Variants in HS6ST2 observed in about 807,000 individuals in gnomAD.
HS6ST2 encodes the protein heparan-sulfate 6-O-sulfotransferase 2.
HS6ST2 carries 17 observed loss-of-function variants against 33.0 expected under a neutral mutation model. The observed-to-expected ratio is 0.52, with a 90% CI of 0.35 to 0.77. The LOEUF (loss-of-function observed/expected upper bound fraction) is 0.77. Ranked by LOEUF, HS6ST2 falls within the 30% of genes least tolerant of loss-of-function variation. HS6ST2 has a pLI of 0.01. For missense variants in HS6ST2, 519 were observed against 551.7 expected, an observed-to-expected ratio of 0.94 and a Z score of 0.59; for synonymous variants, 248 against 237.1, an observed-to-expected ratio of 1.05 and a Z score of -0.42.
chrX:132,899,537 C>T (rs1006651009), intron 2 of HS6ST2, among the ~76,000 whole-genome samples: 4 of 109,845 alleles, frequency 3.6e-5, no homozygotes, highest in Admixed American at 9.8e-5. Flanking sequence ...ATAGACACTG[C>T]GGAAGAAAAG....
At chrX:132,678,489 A>G in intron 3 of HS6ST2, among the ~76,000 whole-genome samples, 1 of 112,542 alleles carries the variant, frequency 8.9e-6, no homozygotes, top group South Asian at 3.7e-4. Context: ...AAAAACACTG[A>G]CCCTTTAAAC....
chrX:132,803,067 G>A (rs1034076377), intron 2 of HS6ST2, among the ~76,000 whole-genome samples: 4 of 111,369 alleles, frequency 3.6e-5, no homozygotes, highest in Non-Finnish European at 5.6e-5. Flanking sequence ...ACAGGCCCAA[G>A]GCCAGCCCTG....
chrX:132,670,366 C>G (rs1409011691), intron 3 of HS6ST2, among the ~76,000 whole-genome samples: 2 of 111,438 alleles, frequency 1.8e-5, no homozygotes, highest in Admixed American at 1.9e-4. Flanking sequence ...CCATCAGCTT[C>G]AAATGACTTC....
chrX:132,638,148 A>G (rs899921909), intron 4 of HS6ST2, among the ~76,000 whole-genome samples: 2 of 103,662 alleles, frequency 1.9e-5, no homozygotes, highest in Non-Finnish European at 3.9e-5. Context: ...ATGAAGTCTA[A>G]AGCAACCACA....
intron 4 of HS6ST2, among the ~76,000 whole-genome samples, chrX:132,634,469 AT>A (rs773537943): frequency 8.9e-6 from 1 of 111,996 alleles, no homozygotes; most frequent in African/African-American, 3.2e-5. Context: ...ATGACTCCCC[AT>A]TGGGTTACAT....
intron 4 of HS6ST2, chrX:132,667,608 C>T (rs1413862445): frequency 8.9e-6 from 1 of 112,062 alleles, no homozygotes; most frequent in Non-Finnish European, 1.9e-5. Flanking sequence ...TGAACTCCTG[C>T]AAAGCCAAAA....
At chrX:132,661,686 T>C (rs377378813) in intron 4 of HS6ST2, among the ~76,000 whole-genome samples, 20 of 111,966 alleles carry the variant, frequency 1.8e-4, no homozygotes, top group African/African-American at 6.5e-4. Context: ...TTTGCAAAAA[T>C]TTATAGACCG....
At chrX:132,813,560 A>G (rs1030395483) in intron 2 of HS6ST2, among the ~76,000 whole-genome samples, 3 of 111,432 alleles carry the variant, frequency 2.7e-5, no homozygotes, top group African/African-American at 6.5e-5. Flanking sequence ...CCTTTTCTAA[A>G]CCGATGCCCA....
chrX:132,722,436 G>GA (rs1285879875), intron 2 of HS6ST2, among the ~76,000 whole-genome samples: 38 of 110,962 alleles, frequency 3.4e-4, no homozygotes, highest in African/African-American at 1.2e-3. Context: ...AAATAATGTT[G>GA]AAAACTTTTC....
intron 2 of HS6ST2, among the ~76,000 whole-genome samples, chrX:132,906,735 G>A (rs2148466165): frequency 9.0e-6 from 1 of 111,075 alleles, no homozygotes; most frequent in Admixed American, 9.6e-5. Flanking sequence ...CCAGACTGGA[G>A]TGGCTCACTG....
At chrX:132,839,584 T>C (rs1488531068) in intron 2 of HS6ST2, among the ~76,000 whole-genome samples, 1 of 109,581 alleles carries the variant, frequency 9.1e-6, no homozygotes, top group Non-Finnish European at 1.9e-5. Context: ...GAGAAATTAC[T>C]TAATAGATAC....
chrX:132,696,461 A>G (rs2064105511), intron 3 of HS6ST2, among the ~76,000 whole-genome samples: 1 of 111,464 alleles, frequency 9.0e-6, no homozygotes, highest in African/African-American at 3.3e-5. Flanking sequence ...TTCATGACAG[A>G]GTTGGAAGGT....
chrX:132,957,572 C>G (rs1312069317), intron 1 of HS6ST2, among the ~76,000 whole-genome samples: 1 of 110,068 alleles, frequency 9.1e-6, no homozygotes, highest in Non-Finnish European at 1.9e-5. Context: ...TCCCGCGGGC[C>G]GTTCGCCCCC....
At chrX:132,953,258 A>G (rs1255182511) in intron 2 of HS6ST2, among the ~76,000 whole-genome samples, 1 of 112,069 alleles carries the variant, frequency 8.9e-6, no homozygotes, top group Non-Finnish European at 1.9e-5. Context: ...ACCCTGAGTG[A>G]CTGCAAACAA....
chrX:132,892,479 C>T (rs1362537747), intron 2 of HS6ST2, among the ~76,000 whole-genome samples: 4 of 111,912 alleles, frequency 3.6e-5, no homozygotes, highest in Non-Finnish European at 5.6e-5. Context: ...TGTTCCAAGA[C>T]CCCCTGTGGT....
intron 2 of HS6ST2, among the ~76,000 whole-genome samples, chrX:132,906,599 G>A (rs1299876854): frequency 2.7e-5 from 3 of 111,621 alleles, no homozygotes; most frequent in Admixed American, 9.5e-5. Flanking sequence ...GGCCATGAGG[G>A]TAGATCCCTC....
chrX:132,731,842 G>A (rs1001033316), intron 2 of HS6ST2, among the ~76,000 whole-genome samples: 1 of 107,964 alleles, frequency 9.3e-6, no homozygotes, highest in Non-Finnish European at 1.9e-5. Context: ...GTGAGACTCC[G>A]TCTCAGAAGA....
chrX:132,799,081 A>C (rs1197507854), intron 2 of HS6ST2, among the ~76,000 whole-genome samples: 3 of 111,085 alleles, frequency 2.7e-5, no homozygotes, highest in Non-Finnish European at 5.7e-5. Flanking sequence ...ACTCCTGGGC[A>C]GAATCCTTAA....
intron 2 of HS6ST2, among the ~76,000 whole-genome samples, chrX:132,716,911 C>T (rs1048325284): frequency 1.8e-5 from 2 of 112,173 alleles, no homozygotes; most frequent in Admixed American, 9.4e-5. Flanking sequence ...TACACAGCTT[C>T]GCAAGGGGCT....
Sources: allele counts gnomAD v4.1 joint callset (sites outside exome capture counted in the v4.1 genomes callset), GRCh38; gene constraint gnomAD v4.1.1; transcripts MANE v1.5; gene names NCBI Gene and HGNC (gene_info 2026-07-23, HGNC 2026-07-21).